The following MYH15 variants were observed in gnomAD, a reference collection of about 807,000 sequenced individuals.
The protein encoded by MYH15 is myosin heavy chain 15, also known as myosin-15.
In MYH15, 227 loss-of-function variants were observed where a neutral mutation model predicts 240.5. That is an observed-to-expected ratio of 0.94 (90% CI 0.85 to 1.05). The LOEUF is 1.05. Ranked by LOEUF, MYH15 falls within the 50% of genes least tolerant of loss-of-function variation. MYH15 has a pLI of 0.00. For missense variants in MYH15, 2,217 were observed against 2,247.5 expected, an observed-to-expected ratio of 0.99 and a Z score of 0.27; for synonymous variants, 785 against 796.7, an observed-to-expected ratio of 0.99 and a Z score of 0.25.
intron 25 of MYH15, among the ~76,000 whole-genome samples, chr3:108,432,351 C>T (rs1175269413): frequency 6.6e-6 from 1 of 152,130 alleles, no homozygotes; most frequent in Non-Finnish European, 1.5e-5. Context: ...AGCCACTGCA[C>T]CCTGCCTGCA....
intron 1 of MYH15, among the ~76,000 whole-genome samples, chr3:108,520,794 C>T (rs1225334927): frequency 6.6e-6 from 1 of 151,946 alleles, no homozygotes; most frequent in African/African-American, 2.4e-5. Flanking sequence ...TTCCATATCT[C>T]CAAGAAAATA....
In MYH15 at chr3:108,476,347, C is replaced by A. The variant is rs761803971; in HGVS notation, c.1233+50G>T. ...AAAAATATACAGTACAATATATATA[C>A]AATTATTGGAAGATCATAGAATAAT... On this transcript the variant is annotated intron_variant, in intron 12 of 40. Coordinates refer to ENST00000693548, the MANE Select transcript of MYH15 (RefSeq NM_014981.3). The A allele has an allele frequency of 2.6e-6, 3 of 1,146,380 alleles. No homozygotes were observed. In the South Asian group the frequency reaches 3.8e-5, roughly 14 times the overall value. The allele number at this position is 1,146,380 out of a possible 1,614,324, so 71.0% of individuals were successfully genotyped here.
At chr3:108,439,712 A>G in intron 24 of MYH15, 25 bp downstream of exon 24, 1 of 1,523,450 alleles carries the variant, frequency 6.6e-7, no homozygotes, top group Non-Finnish European at 8.8e-7. Context: ...CAGATAGATA[A>G]CTAACCAGAT....
At position 108,440,894 on chromosome 3, in the gene MYH15, A is replaced by G. The variant is rs1259086293; in HGVS notation, c.2898+124T>C. 11 of 1,161,168 alleles carry G rather than the reference A, an allele frequency of 9.5e-6. No homozygotes were observed. In the Admixed American group the frequency reaches 1.6e-4, roughly 17 times the overall value. 71.9% of individuals were successfully genotyped at this position (1,161,168 alleles called of 1,614,324 possible). A position where few individuals can be genotyped will look rare whatever the true frequency, so the allele number is the denominator to read the frequency against. ...TATTTTGTGCCAGTTCTGACTCTCA[A>G]TGCTGTAAAGTTGCAGGCCACTGTG... On this transcript the variant is annotated intron_variant, in intron 23 of 40. Coordinates refer to ENST00000693548, the MANE Select transcript of MYH15 (RefSeq NM_014981.3).
At chr3:108,454,852 C>T (rs1227560263) in intron 20 of MYH15, among the ~76,000 whole-genome samples, 1 of 152,118 alleles carries the variant, frequency 6.6e-6, no homozygotes, top group Non-Finnish European at 1.5e-5. Context: ...CTTGCCCAAC[C>T]CTGAGAATGA....
intron 31 of MYH15, 146 bp downstream of exon 31, chr3:108,410,437 A>G (rs755603224): frequency 7.7e-6 from 4 of 520,136 alleles, no homozygotes; most frequent in Non-Finnish European, 1.3e-5. Context: ...TCTAAAGTAA[A>G]AAAAAAATAA....
At chr3:108,537,389 T>C in the MYH15 span, among the ~76,000 whole-genome samples, 1 of 152,134 alleles carries the variant, frequency 6.6e-6, no homozygotes, top group Non-Finnish European at 1.5e-5. Flanking sequence ...TCCCCAAAAA[T>C]TCATATGCTG....
At chr3:108,438,508 A>T (rs1288499240) in intron 24 of MYH15, among the ~76,000 whole-genome samples, 1 of 152,222 alleles carries the variant, frequency 6.6e-6, no homozygotes. Flanking sequence ...TCTGGAAAGG[A>T]TTCCAAATTC....
chr3:108,448,358 C>T (rs1266232090), intron 21 of MYH15, among the ~76,000 whole-genome samples: 2 of 151,906 alleles, frequency 1.3e-5, no homozygotes, highest in Admixed American at 6.6e-5. Context: ...CAACAGGAGA[C>T]ATACTTTAGC....
chr3:108,542,746 C>A, the MYH15 span, among the ~76,000 whole-genome samples: 1 of 150,698 alleles, frequency 6.6e-6, no homozygotes, highest in African/African-American at 2.4e-5. Context: ...TTGTTCCCCA[C>A]GTGTCCATGT....
chr3:108,525,893 A>C (rs1044697269), intron 1 of MYH15, among the ~76,000 whole-genome samples: 1 of 152,134 alleles, frequency 6.6e-6, no homozygotes, highest in Non-Finnish European at 1.5e-5. Flanking sequence ...TTTGAAATAA[A>C]TCATCTGTAT....
chr3:108,487,984 G>C (rs2083318709), intron 9 of MYH15, among the ~76,000 whole-genome samples: 1 of 151,592 alleles, frequency 6.6e-6, no homozygotes, highest in African/African-American at 2.4e-5. Flanking sequence ...ATATATTTAT[G>C]GTGTACAACA....
chr3:108,423,377 C>T (rs1415852560), intron 27 of MYH15, among the ~76,000 whole-genome samples: 1 of 152,186 alleles, frequency 6.6e-6, no homozygotes, highest in Non-Finnish European at 1.5e-5. Context: ...TCCTACAGCA[C>T]ACCCAAGCTT....
chr3:108,521,022 A>C (rs2688256), intron 1 of MYH15, among the ~76,000 whole-genome samples: 151,625 of 152,122 alleles, frequency 1, 75,565 homozygotes, highest in Middle Eastern at 1. Flanking sequence ...TTTTGGGAGA[A>C]AAGATTTGAG....
intron 28 of MYH15, among the ~76,000 whole-genome samples, chr3:108,419,652 TAAG>T (rs1174939931): frequency 1.3e-5 from 2 of 152,216 alleles, no homozygotes; most frequent in Non-Finnish European, 2.9e-5. Flanking sequence ...GTGGGCAGTA[TAAG>T]AAGAGTCCTA....
chr3:108,497,994 C>A, intron 6 of MYH15, 58 bp downstream of exon 6: 3 of 1,480,206 alleles, frequency 2.0e-6, no homozygotes, highest in Non-Finnish European at 2.8e-6. Context: ...GACACAACCT[C>A]CATGATCCAG....
rs151035229 is a variant in MYH15 at position 108,393,247 on chromosome 3, G to A, written c.5259+784C>T. ...TGTGCATTTGATGGGCTGCACAAAA[G>A]CTCTTGATGGAGAAGGGGTGAGCAG... On this transcript the variant is annotated intron_variant, in intron 36 of 40. Coordinates refer to ENST00000693548, the MANE Select transcript of MYH15 (RefSeq NM_014981.3). Among the ~76,000 whole-genome samples the A allele has an allele frequency of 1.3e-3, 198 of 152,318 alleles. 1 individual carries two copies. The highest frequency in any genetic ancestry group is 4.5e-3 in the African/African-American group (185 of 41,568).
chr3:108,499,593 G>T (rs1271031087), intron 4 of MYH15, 111 bp from the exon 5 acceptor site: 4 of 1,020,474 alleles, frequency 3.9e-6, no homozygotes, highest in Non-Finnish European at 4.5e-6. Context: ...ACAAGGGAAA[G>T]GATTAGCATC....
chr3:108,522,969 C>T (rs1199651406), intron 1 of MYH15, among the ~76,000 whole-genome samples: 1 of 152,002 alleles, frequency 6.6e-6, no homozygotes, highest in Non-Finnish European at 1.5e-5. Flanking sequence ...TCCAAGGCCC[C>T]CATCTTCTTC....
Sources: gnomAD v4.1 joint callset for allele counts (sites outside exome capture counted in the v4.1 genomes callset) on GRCh38, gnomAD v4.1.1 for gene constraint, MANE v1.5 for transcripts, NCBI Gene and HGNC (gene_info 2026-07-23, HGNC 2026-07-21) for gene names.